PPP3CA: variants seen among roughly 807,000 people sequenced by gnomAD.
PPP3CA encodes the protein protein phosphatase 3 catalytic subunit alpha, also known as CAM-PRP catalytic subunit.
PPP3CA carries 14 observed loss-of-function variants against 66.5 expected under a neutral mutation model. The observed-to-expected ratio is 0.21, with a 90% confidence interval of 0.14 to 0.33. The LOEUF is 0.33. PPP3CA is among the 10% of genes least tolerant of loss of function. The pLI is 1.00. For missense variants in PPP3CA, 317 were observed against 639.5 expected, an observed-to-expected ratio of 0.50 and a Z score of 5.44; for synonymous variants, 232 against 226.2, an observed-to-expected ratio of 1.03 and a Z score of -0.23.
chr4:101,047,311 G>A (rs2110215229), intron 10 of PPP3CA, among the ~76,000 whole-genome samples: 1 of 152,206 alleles, frequency 6.6e-6, no homozygotes, highest in East Asian at 1.9e-4. Flanking sequence ...CAAAATTGTA[G>A]CCTTTATAAT....
At chr4:101,031,348 A>C (rs907191656) in intron 12 of PPP3CA, among the ~76,000 whole-genome samples, 1 of 152,164 alleles carries the variant, frequency 6.6e-6, no homozygotes, top group Non-Finnish European at 1.5e-5. Context: ...GCATATTTTC[A>C]TTTTAATTTT....
At chr4:101,290,577 C>T (rs991727055) in intron 1 of PPP3CA, among the ~76,000 whole-genome samples, 1 of 152,078 alleles carries the variant, frequency 6.6e-6, no homozygotes, top group Non-Finnish European at 1.5e-5. Flanking sequence ...TGCTGGACAG[C>T]GGATGGAGCA....
intron 2 of PPP3CA, among the ~76,000 whole-genome samples, chr4:101,188,196 A>G (rs1219880120): frequency 6.6e-6 from 1 of 152,144 alleles, no homozygotes; most frequent in Admixed American, 6.6e-5. Context: ...AACTAACAAT[A>G]ATACTATCTT....
chr4:101,257,118 A>C (rs1726869153), intron 1 of PPP3CA, among the ~76,000 whole-genome samples: 1 of 152,026 alleles, frequency 6.6e-6, no homozygotes, highest in Non-Finnish European at 1.5e-5. Flanking sequence ...CAAATCATAC[A>C]CTAAGCTCCA....
rs572814669 is a variant in PPP3CA at position 101,174,132 on chromosome 4, C to T, written c.259+21784G>A. ...AAAAACAAACTAACAAAAAAAACCA[C>T]GTTGTTAACAAATAGTTTGGAAGTT... On this transcript the variant is annotated intron_variant, in intron 2 of 13. Coordinates refer to ENST00000394854, the MANE Select transcript of PPP3CA (RefSeq NM_000944.5). 4.6e-5 allele frequency among the ~76,000 whole-genome samples: 7 copies of T among 151,644 alleles called. No individual in the cohort carries two copies. In the East Asian group the frequency reaches 7.7e-4, roughly 17 times the overall value.
chr4:101,218,721 G>A (rs1000079949), intron 1 of PPP3CA, among the ~76,000 whole-genome samples: 1 of 151,808 alleles, frequency 6.6e-6, no homozygotes, highest in Non-Finnish European at 1.5e-5. Context: ...TTCAGTGGTG[G>A]GATAAACTGT....
At chr4:101,028,611 G>C (rs996234628) in intron 13 of PPP3CA, among the ~76,000 whole-genome samples, 1 of 152,096 alleles carries the variant, frequency 6.6e-6, no homozygotes, top group Non-Finnish European at 1.5e-5. Context: ...AATACCAGTA[G>C]GTTACAATTT....
chr4:101,295,143 T>G (rs542144499), intron 1 of PPP3CA, among the ~76,000 whole-genome samples: 47 of 148,552 alleles, frequency 3.2e-4, no homozygotes, highest in Admixed American at 8.0e-4. Flanking sequence ...CTACTAAAAA[T>G]ACAAAAAATT....
intron 6 of PPP3CA, among the ~76,000 whole-genome samples, chr4:101,090,754 T>C (rs1729882821): frequency 6.6e-6 from 1 of 151,114 alleles, no homozygotes; most frequent in Admixed American, 6.6e-5. Flanking sequence ...TTAAAGATGG[T>C]AGACTTTATT....
intron 8 of PPP3CA, among the ~76,000 whole-genome samples, chr4:101,080,213 T>C (rs1029386551): frequency 6.6e-6 from 1 of 152,200 alleles, no homozygotes. Context: ...CAAATTCTTT[T>C]TAAGAAGCAT....
At chr4:101,045,929 T>C (rs1727745785) in intron 10 of PPP3CA, among the ~76,000 whole-genome samples, 1 of 152,246 alleles carries the variant, frequency 6.6e-6, no homozygotes, top group African/African-American at 2.4e-5. Context: ...CTTCAAACTT[T>C]CCTGTATGTT....
intron 2 of PPP3CA, among the ~76,000 whole-genome samples, chr4:101,119,932 G>A (rs2110272166): frequency 6.6e-6 from 1 of 152,112 alleles, no homozygotes. Flanking sequence ...AAAAATATAT[G>A]AGCTTACTTG....
chr4:101,287,671 C>T (rs954219607), intron 1 of PPP3CA, among the ~76,000 whole-genome samples: 3 of 152,004 alleles, frequency 2.0e-5, no homozygotes, highest in Non-Finnish European at 4.4e-5. Context: ...TTTCAATTAA[C>T]ACAAGTATAA....
At chr4:101,259,072 T>C (rs770143356) in intron 1 of PPP3CA, among the ~76,000 whole-genome samples, 1 of 152,110 alleles carries the variant, frequency 6.6e-6, no homozygotes, top group Admixed American at 6.6e-5. Flanking sequence ...TCAGTTTATA[T>C]TTAAATACTT....
chr4:101,212,316 A>T (rs1443703964), intron 1 of PPP3CA, among the ~76,000 whole-genome samples: 1 of 152,152 alleles, frequency 6.6e-6, no homozygotes, highest in Non-Finnish European at 1.5e-5. Context: ...TTGCAGGAAC[A>T]TGGTTTGAGT....
chr4:101,171,952 G>C (rs1723896844), intron 2 of PPP3CA, among the ~76,000 whole-genome samples: 1 of 152,146 alleles, frequency 6.6e-6, no homozygotes, highest in Admixed American at 6.6e-5. Context: ...AATATTTGTA[G>C]ACTGACTGAT....
intron 6 of PPP3CA, among the ~76,000 whole-genome samples, chr4:101,090,318 C>T (rs1227396830): frequency 6.6e-6 from 1 of 152,066 alleles, no homozygotes; most frequent in Non-Finnish European, 1.5e-5. Flanking sequence ...CTATACTTGC[C>T]ATAGCTAAAA....
chr4:101,116,669 C>T (rs905443771), intron 2 of PPP3CA, among the ~76,000 whole-genome samples: 3 of 151,830 alleles, frequency 2.0e-5, no homozygotes, highest in African/African-American at 7.2e-5. Context: ...ATAAAGGGGA[C>T]ACTGCAGTTT....
Position 101,228,508 on chromosome 4 carries a change from T to G in PPP3CA, c.59-32392A>C, listed in dbSNP as rs549373920. Among the ~76,000 whole-genome samples, 26 of 151,822 alleles carry G rather than the reference T, an allele frequency of 1.7e-4. No individual in the cohort carries two copies. The East Asian group carries it at 5.1e-3, about 30-fold the overall frequency. ...AAAGGCACCATGCAAAATGGAATTT[T>G]ACATTTTCTTTTTTCAAATTATTTT... On this transcript the variant is annotated intron_variant, in intron 1 of 13. Coordinates refer to ENST00000394854, the MANE Select transcript of PPP3CA (RefSeq NM_000944.5).
Sources: allele counts gnomAD v4.1 joint callset (sites outside exome capture counted in the v4.1 genomes callset), GRCh38; gene constraint gnomAD v4.1.1; transcripts MANE v1.5; gene names NCBI Gene and HGNC (gene_info 2026-07-23, HGNC 2026-07-21).